Variants in THBS3 observed in about 807,000 individuals in gnomAD.
THBS3 encodes the protein thrombospondin-3.
In THBS3, 78 loss-of-function variants were observed where a neutral mutation model predicts 118.3. The ratio of observed to expected loss-of-function variants is 0.66; its 90% CI spans 0.55 to 0.80. THBS3 has a LOEUF of 0.80. Ranked by LOEUF, THBS3 falls within the 30% of genes least tolerant of loss-of-function variation. The pLI is 0.00. For synonymous variants in THBS3, 427 were observed against 475.3 expected, an observed-to-expected ratio of 0.90 and a Z score of 1.32; for missense variants, 1,057 against 1,247.4, an observed-to-expected ratio of 0.85 and a Z score of 2.30.
At chr1:155,201,372 T>C (rs1669695433) in intron 11 of THBS3, 45 bp downstream of exon 11, 1 of 1,570,488 alleles carries the variant, frequency 6.4e-7, no homozygotes, top group East Asian at 2.2e-5. Context: ...CCTACTCCTT[T>C]CCCCAGACCC....
chr1:155,202,161 A>G lies in THBS3; in HGVS notation c.1098+100T>C. The G allele has an allele frequency of 6.3e-7, 1 of 1,595,966 alleles. No homozygotes were observed. On this transcript the variant is annotated intron_variant, in intron 9 of 22. Coordinates refer to ENST00000368378, the MANE Select transcript of THBS3 (RefSeq NM_007112.5). The surrounding 1 kb of genome is among the most constrained non-coding windows in gnomAD (Gnocchi z 5.5). ...CCAGACCCAAAGCCGATGCAAAGCC[A>G]TCCATGTCCCATTCATCACAAGGGT...
Position 155,198,526 on chromosome 1 carries a change from C to G in THBS3, c.1957G>C (p.Asp653His). 2 of 1,614,240 alleles carry G rather than the reference C, an allele frequency of 1.2e-6. No individual in the cohort carries two copies. Among genetic ancestry groups the G allele is most frequent in the South Asian group, 1.1e-5 (1 of 91,086 alleles). Residue 653 changes from aspartate (D) to histidine (H), a missense_variant, in exon 17 of 23, where the codon GAT becomes CAT. Coordinates refer to ENST00000368378, the MANE Select transcript of THBS3 (RefSeq NM_007112.5). Reference sequence around the variant, plus strand: ...CCATCACACTCATCTCCAAGTCCATCGTTATCAGAGTCCAGCTGGGAGCTA... The same window carrying G: ...CCATCACACTCATCTCCAAGTCCATGGTTATCAGAGTCCAGCTGGGAGCTA... The part of the protein sequence containing the change: ...PNSSQLDSDN[D>H]GLGDECDGDD...
upstream of THBS3, chr1:155,208,819 ACC>A (rs755845788): frequency 1.9e-6 from 3 of 1,547,234 alleles, no homozygotes; most frequent in South Asian, 3.5e-5. Context: ...TGCTCGGGGG[ACC>A]CCCCCGCAGT....
chr1:155,208,387 C>T (rs116581489), upstream of THBS3, among the ~76,000 whole-genome samples: 654 of 152,316 alleles, frequency 4.3e-3, 6 homozygotes, highest in African/African-American at 0.015. Flanking sequence ...GGTGGGGGGT[C>T]CCCTGACAAG....
Position 155,201,137 on chromosome 1 carries a change from T to C in THBS3, c.1397A>G (p.Asp466Gly). 1.2e-6 allele frequency: 2 copies of C among 1,614,204 alleles called. No individual in the cohort carries two copies. Among genetic ancestry groups the C allele is most frequent in the Non-Finnish European group, 1.7e-6 (2 of 1,180,038 alleles). ...GTTGTCCATGCAGGGCAGTGCTTGG[T>C]CTGGGTAGCCATCGATGTCTGTGTC... The part of the protein sequence containing the change: ...GTDTDIDGYP[D>G]QALPCMDNNK... Residue 466 changes from aspartate (D) to glycine (G), a missense_variant, in exon 12 of 23, where the codon GAC (aspartate) becomes GGC (glycine). This residue lies in a region of THBS3 where 544 missense variants were observed against 715.6 expected (regional missense o/e 0.76). Transcript: ENST00000368378.
chr1:155,205,195 G>C lies in THBS3; in HGVS notation c.408C>G (p.Ser136Arg). 1 of 1,614,208 alleles carries C rather than the reference G, an allele frequency of 6.2e-7. No individual in the cohort carries two copies. The highest frequency in any genetic ancestry group is 8.5e-7 in the Non-Finnish European group (1 of 1,180,042). ...AGTCCACGTAGAGATGTAGGGCAGG[G>C]CTGGGTCTGGAGGGACCTCGGAGTC... is the stretch of plus-strand genomic sequence containing the variant. The part of the protein sequence containing the change: ...LLRLRGPSRP[S>R]PALHLYVDCK... The change falls in exon 3 of 23, where the codon AGC becomes AGG. Residue 136 changes from serine to arginine, a missense_variant. By Grantham distance (110) the Ser-to-Arg change is moderately radical. Transcript: ENST00000368378.
rs1571918536 is a variant in THBS3 at position 155,204,842 on chromosome 1, G to A, written c.646+13C>T. ...TCCGTGGTCCAATGTCAGCAAACAA[G>A]TCTCTGTGTTACCTGCACTGTGGAT... On this transcript the variant is annotated intron_variant, in intron 4 of 22. Coordinates refer to ENST00000368378, the MANE Select transcript of THBS3 (RefSeq NM_007112.5). 3.7e-6 allele frequency: 6 copies of A among 1,612,254 alleles called. No homozygotes were observed. The East Asian group carries it at 1.1e-4, about 30-fold the overall frequency.
At chr1:155,203,171 A>G (rs373990059) in intron 6 of THBS3, 34 bp from the exon 7 acceptor site, 1 of 1,614,200 alleles carries the variant, frequency 6.2e-7, no homozygotes, top group Non-Finnish European at 8.5e-7. Flanking sequence ...AGCACTTGAC[A>G]TCTGCCACCC....
chr1:155,204,884 A>G lies in THBS3; in HGVS notation c.617T>C (p.Phe206Ser), dbSNP rs1670319561. 6.2e-7 allele frequency: 1 copy of G among 1,613,834 alleles called. No individual in the cohort carries two copies. The highest frequency in any genetic ancestry group is 8.5e-7 in the Non-Finnish European group (1 of 1,180,038). The part of the protein sequence containing the change: ...ARVGALSECP[F>S]QGDESIHSAV... ...ACTGTGGATGGACTCGTCCCCTTGG[A>G]ATGGACACTCACTCAGGGCTCCTAC... The change falls in exon 4 of 23, where the codon TTC becomes TCC. Residue 206 changes from phenylalanine to serine, a missense_variant. By Grantham distance (155) the Phe-to-Ser change is radical. This residue lies in a region of THBS3 where 544 missense variants were observed against 715.6 expected (regional missense o/e 0.76). Coordinates refer to ENST00000368378, the MANE Select transcript of THBS3 (RefSeq NM_007112.5).
At chr1:155,198,285 C>T in intron 17 of THBS3, 65 bp from the exon 18 acceptor site, 2 of 1,596,422 alleles carry the variant, frequency 1.3e-6, no homozygotes, top group Non-Finnish European at 1.7e-6. Flanking sequence ...ACAATACCAT[C>T]TGTTGGGCCT....
rs566959712 is a variant in THBS3, at chr1:155,206,633, G to A, written c.80-227C>T. On this transcript the variant is annotated intron_variant, in intron 1 of 22. Coordinates refer to ENST00000368378, the MANE Select transcript of THBS3 (RefSeq NM_007112.5). The surrounding 1 kb of genome is among the most constrained non-coding windows in gnomAD (Gnocchi z 4.2). ...AGTTCGAGACCAGCCTGGCCAACAC[G>A]GTGAAACCCCGTGTCTACTAAAAAT... is the stretch of plus-strand genomic sequence containing the variant. Among the ~76,000 whole-genome samples the A allele has an allele frequency of 2.0e-4, 31 of 151,900 alleles. No individual in the cohort carries two copies. In the South Asian group the frequency reaches 4.0e-3, roughly 19 times the overall value.
rs2147915513 is a variant in THBS3, at chr1:155,197,768, T to C, written c.2303-109A>G. 1 of 1,589,106 alleles carries C rather than the reference T, an allele frequency of 6.3e-7. No individual in the cohort carries two copies. Among genetic ancestry groups the C allele is most frequent in the Non-Finnish European group, 8.6e-7 (1 of 1,159,290 alleles). On this transcript the variant is annotated intron_variant, in intron 19 of 22. Transcript: ENST00000368378. The surrounding 1 kb of genome is among the most constrained non-coding windows in gnomAD (Gnocchi z 5.0). ...TATGTATGTGGCCAGCTTGTGCCAC[T>C]GCCTTCTCTCTCGCCACTTTGCCCA...
At position 155,197,525 on chromosome 1, in the gene THBS3, C is replaced by T. The variant is rs973597134; in HGVS notation, c.2437G>A (p.Glu813Lys). 18 of 1,614,110 alleles carry T rather than the reference C, an allele frequency of 1.1e-5. No individual in the cohort carries two copies. Among genetic ancestry groups the T allele is most frequent in the Admixed American group, 1.7e-5 (1 of 60,026 alleles). ...RFYVVMWKQTEQTYWQATPFR... is the reference protein window; with the variant it reads ...RFYVVMWKQTKQTYWQATPFR... The stretch of plus-strand genomic sequence containing the variant: ...GGTGTAGCCTGCCAGTAGGTCTGCT[C>T]GGTCTGCTTCCACATGACTACGTAG... Residue 813 changes from glutamate (E) to lysine (K), a missense_variant, in exon 20 of 23, where the codon GAG becomes AAG. Transcript: ENST00000368378. This position sits in a 1 kb window ranked among gnomAD's most constrained non-coding sequence, Gnocchi z 5.0.
intron 4 of THBS3, 21 bp downstream of exon 4, chr1:155,204,834 G>A: frequency 6.2e-7 from 1 of 1,609,332 alleles, no homozygotes. Context: ...TCCAATGTCA[G>A]CAAACAAGTC....
chr1:155,205,667 A>C (rs1296476582), intron 2 of THBS3, among the ~76,000 whole-genome samples: 5 of 152,088 alleles, frequency 3.3e-5, no homozygotes, highest in Non-Finnish European at 7.4e-5. Flanking sequence ...AGTCCCAGCT[A>C]CTCAGGAGGC....
chr1:155,201,395 C>T, intron 11 of THBS3, 22 bp downstream of exon 11: 1 of 1,581,858 alleles, frequency 6.3e-7, no homozygotes, highest in Non-Finnish European at 8.6e-7. Flanking sequence ...CCTTTTCCTT[C>T]CACGCCTGAA....
Position 155,197,868 on chromosome 1 carries a change from T to G in THBS3, c.2302+12A>C. 6.2e-7 allele frequency: 1 copy of G among 1,614,002 alleles called. No homozygotes were observed. ...CATTTGGAAGTGATTGAACTGCATA[T>G]CCCTTACATACCAACTGCCAAGCCA... On this transcript the variant is annotated intron_variant, in intron 19 of 22. Coordinates refer to ENST00000368378, the MANE Select transcript of THBS3 (RefSeq NM_007112.5). This position sits in a 1 kb window ranked among gnomAD's most constrained non-coding sequence, Gnocchi z 5.0.
At position 155,203,206 on chromosome 1, in the gene THBS3, C is replaced by T. The variant is rs1227681877; in HGVS notation, c.756+17G>A. On this transcript the variant is annotated intron_variant, in intron 6 of 22. Coordinates refer to ENST00000368378, the MANE Select transcript of THBS3 (RefSeq NM_007112.5). ...CTACCCCAGAATCAGTGCCACCCTT[C>T]GCCAGCCCACCCAAACCTGGTCTCG... The T allele has an allele frequency of 5.0e-6, 8 of 1,614,090 alleles. No homozygotes were observed. The highest frequency in any genetic ancestry group is 1.6e-4 in the Middle Eastern group (1 of 6,084).
rs1344627453 is a variant in THBS3, at chr1:155,196,132, C to T, written c.2673-6G>A. On this transcript the variant is annotated splice_region_variant and splice_polypyrimidine_tract_variant and intron_variant, in intron 21 of 22. Coordinates refer to ENST00000368378, the MANE Select transcript of THBS3 (RefSeq NM_007112.5). The stretch of plus-strand genomic sequence containing the variant: ...GTCCCTCATAGAGCTTCACCCTGTC[C>T]AGGATTCCAGGATAGGAGTATCCAT... The T allele has an allele frequency of 6.2e-7, 1 of 1,613,870 alleles. No individual in the cohort carries two copies. The highest frequency in any genetic ancestry group is 8.5e-7 in the Non-Finnish European group (1 of 1,180,026).
Sources: allele counts gnomAD v4.1 joint callset (sites outside exome capture counted in the v4.1 genomes callset), GRCh38; gene constraint gnomAD v4.1.1; regional missense constraint gnomAD v4.1.1; non-coding constraint Gnocchi (gnomAD v3.1); transcripts MANE v1.5; gene names NCBI Gene and HGNC (gene_info 2026-07-23, HGNC 2026-07-21).